DDX11: variants seen among roughly 807,000 people sequenced by gnomAD.
DDX11 encodes DEAD/H-box helicase 11.
A neutral mutation model predicts 125.2 loss-of-function variants in DDX11; 72 were observed. The ratio of observed to expected loss-of-function variants is 0.58; its 90% CI spans 0.48 to 0.70. The LOEUF (loss-of-function observed/expected upper bound fraction) is 0.70, where lower values mean the gene tolerates loss of function less well. Among genes scored for constraint, DDX11 ranks in the 30% least tolerant of loss-of-function variants. The pLI is 0.00. For missense variants in DDX11, 883 were observed against 1,165.0 expected (o/e 0.76, Z 3.52); for synonymous variants, 347 against 452.6 (o/e 0.77, Z 2.96).
chr12:31,076,535 C>T (rs571019279), intron 1 of DDX11, among the ~76,000 whole-genome samples: 3 of 152,276 alleles, frequency 2.0e-5, no homozygotes, highest in South Asian at 2.1e-4. Context: ...GACCTGGATT[C>T]GAATCCCTGG....
At chr12:31,100,562 C>T in intron 18 of DDX11, 73 bp from the exon 19 acceptor site, 1 of 1,393,226 alleles carries the variant, frequency 7.2e-7, no homozygotes, top group Admixed American at 2.1e-5. Context: ...TCTCTTAGCC[C>T]AGACTTCTCG....
intron 5 of DDX11, 133 bp downstream of exon 5, chr12:31,085,259 C>T (rs561328756): frequency 3.2e-4 from 415 of 1,291,756 alleles, no homozygotes; most frequent in South Asian, 2.2e-3. Context: ...TGCTCTAAGC[C>T]GGGTCCTTCC....
rs765606145 is a variant in DDX11 at position 31,096,599 on chromosome 12, C to A, written c.1522-38C>A. 24 of 1,609,122 alleles carry A rather than the reference C, an allele frequency of 1.5e-5. No individual in the cohort carries two copies. The South Asian group carries it at 2.5e-4, about 17-fold the overall frequency. On this transcript the variant is annotated intron_variant, in intron 15 of 26. Coordinates refer to ENST00000542838, the MANE Select transcript of DDX11 (RefSeq NM_030653.4). ...ACCCAGCCTCTCTCTCATGGCTGTA[C>A]CTCGTTCCTCTCCACTGCTCTCTCT...
chr12:31,079,333 C>T (rs1276093235), intron 2 of DDX11, among the ~76,000 whole-genome samples: 4 of 146,592 alleles, frequency 2.7e-5, no homozygotes, highest in African/African-American at 7.8e-5. Context: ...CTGTCTTAGT[C>T]GGCCAGGACT....
At chr12:31,090,591 T>C (rs1006776678) in intron 9 of DDX11, among the ~76,000 whole-genome samples, 4 of 152,208 alleles carry the variant, frequency 2.6e-5, no homozygotes, top group African/African-American at 9.7e-5. Context: ...CTGCCTCAAC[T>C]TCTCTTGATT....
intron 1 of DDX11, chr12:31,078,123 T>C (rs1565837539): frequency 4.2e-6 from 5 of 1,191,674 alleles, no homozygotes; most frequent in Non-Finnish European, 5.8e-6. Flanking sequence ...GGAGCCACGG[T>C]GAAATGCAGG....
At chr12:31,101,280 G>A (rs998894843) in intron 20 of DDX11, 150 bp downstream of exon 20, 76 of 712,924 alleles carry the variant, frequency 1.1e-4, no homozygotes, top group African/African-American at 8.9e-4. Context: ...AATGAGCGGC[G>A]TCGATCTAGA....
intron 17 of DDX11, among the ~76,000 whole-genome samples, chr12:31,097,615 G>A (rs1268550411): frequency 9.0e-5 from 13 of 145,162 alleles, no homozygotes; most frequent in Non-Finnish European, 1.2e-4. Context: ...AGGAGGCGGA[G>A]GTTGCAGGGA....
chr12:31,081,464 G>T (rs981791114), intron 2 of DDX11, among the ~76,000 whole-genome samples: 1 of 152,082 alleles, frequency 6.6e-6, no homozygotes, highest in African/African-American at 2.4e-5. Flanking sequence ...GGTCTATCAA[G>T]TTGAGTCACC....
chr12:31,093,733 A>AG (rs1555218455), intron 12 of DDX11: 1 of 208,582 alleles, frequency 4.8e-6, no homozygotes, highest in East Asian at 1.8e-4. Flanking sequence ...AAAAAAAAAA[A>AG]AAAAAAAAAA....
Position 31,086,765 on chromosome 12 carries a change from G to T in DDX11, c.639-1173G>T, listed in dbSNP as rs180894759. ...CCTCACGTTTCAGGAGATAACGTGA[G>T]CCTCGGAGGACCTGAGTTCTGAATA... On this transcript the variant is annotated intron_variant, in intron 5 of 26. Transcript: ENST00000542838. Among the ~76,000 whole-genome samples, 722 of 143,048 alleles carry T rather than the reference G, an allele frequency of 5.0e-3. 8 individuals carry two copies. Among genetic ancestry groups the T allele is most frequent in the Middle Eastern group, 0.014 (4 of 280 alleles). The allele number at this position is 143,048 out of a possible 152,430, so 93.8% of individuals were successfully genotyped here.
chr12:31,089,194 T>A (rs1192184645), intron 7 of DDX11, 43 bp downstream of exon 7: 30 of 1,558,648 alleles, frequency 1.9e-5, no homozygotes, highest in African/African-American at 2.7e-5. Flanking sequence ...ATCCTGCTCC[T>A]TTCGCCACAA....
At chr12:31,097,058 C>T (rs1406853311) in intron 17 of DDX11, 68 bp downstream of exon 17, 5 of 1,598,254 alleles carry the variant, frequency 3.1e-6, no homozygotes, top group Middle Eastern at 3.5e-4. Context: ...GGAGCCGCAG[C>T]GTGAAAGGAT....
chr12:31,095,762 G>A (rs1409827458), intron 14 of DDX11, among the ~76,000 whole-genome samples: 1 of 152,122 alleles, frequency 6.6e-6, no homozygotes, highest in East Asian at 1.9e-4. Flanking sequence ...CCTTCCCTTT[G>A]CCCTCCTTGC....
At chr12:31,097,782 C>G in intron 17 of DDX11, 103 bp from the exon 18 acceptor site, 1 of 740,666 alleles carries the variant, frequency 1.4e-6, no homozygotes, top group Non-Finnish European at 2.5e-6. Context: ...AAAGCACTAG[C>G]ACTTGTGCCT....
At chr12:31,092,778 G>C (rs1187638658) in intron 10 of DDX11, 68 bp from the exon 11 acceptor site, 8 of 1,502,096 alleles carry the variant, frequency 5.3e-6, no homozygotes, top group Admixed American at 5.0e-5. Flanking sequence ...TCTTCTAGGT[G>C]AATCTAAGAT....
chr12:31,098,023 GT>G (rs1208168752), intron 18 of DDX11, 26 bp downstream of exon 18: 2 of 1,590,922 alleles, frequency 1.3e-6, no homozygotes, highest in African/African-American at 2.7e-5. Flanking sequence ...CCAGCCCCTC[GT>G]GCCCCAGGTG....
At chr12:31,102,773 G>A (rs12810847) in intron 23 of DDX11, 163 bp from the exon 24 acceptor site, 15 of 759,818 alleles carry the variant, frequency 2.0e-5, no homozygotes, top group Middle Eastern at 3.6e-4. Context: ...TCTCTCAGCC[G>A]AACAAGCCCT....
rs1486637423 is a variant in DDX11, at chr12:31,083,821, C to G, written c.153C>G (p.Ser51=). The change falls in exon 3 of 27, where the codon TCC becomes TCG. Residue 51 remains serine, a synonymous_variant. Coordinates refer to ENST00000542838, the MANE Select transcript of DDX11 (RefSeq NM_030653.4). ...IFESPTGTGK[S]LSLICGALSW... ...CATTTTTCTTCCTGCAGGGGAAGTC[C>G]TTAAGTCTTATTTGTGGGGCCCTCT... The G allele has an allele frequency of 1.9e-6, 3 of 1,611,960 alleles. No homozygotes were observed. Among genetic ancestry groups the G allele is most frequent in the Non-Finnish European group, 2.5e-6 (3 of 1,179,832 alleles).
Sources: allele counts gnomAD v4.1 joint callset (sites outside exome capture counted in the v4.1 genomes callset), GRCh38; gene constraint gnomAD v4.1.1; transcripts MANE v1.5; gene names NCBI Gene and HGNC (gene_info 2026-07-23, HGNC 2026-07-21).